The following KIF3A variants were observed in gnomAD, a reference collection of about 807,000 sequenced individuals.
The protein encoded by KIF3A is kinesin family member 3A.
A neutral mutation model predicts 92.6 loss-of-function variants in KIF3A; 27 were observed. That is an observed-to-expected ratio of 0.29 (90% CI 0.21 to 0.40). The LOEUF (loss-of-function observed/expected upper bound fraction) is 0.40. Among genes scored for constraint, KIF3A ranks in the 10% least tolerant of loss-of-function variants. The probability of loss-of-function intolerance (pLI) is 1.00; values close to 1 mark genes in which losing one functional copy is unlikely to be tolerated. For missense variants in KIF3A, 581 were observed against 872.6 expected (o/e 0.67, Z 4.21); for synonymous variants, 250 against 275.4 (o/e 0.91, Z 0.92).
At chr5:132,728,832 G>C (rs1754128858) in intron 2 of KIF3A, among the ~76,000 whole-genome samples, 1 of 152,062 alleles carries the variant, frequency 6.6e-6, no homozygotes, top group African/African-American at 2.4e-5. Context: ...AGCACTTTGA[G>C]AGGCTGAGGT....
intron 8 of KIF3A, among the ~76,000 whole-genome samples, chr5:132,715,132 G>T (rs1472634074): frequency 2.0e-5 from 3 of 152,174 alleles, no homozygotes; most frequent in Non-Finnish European, 4.4e-5. Context: ...GTACCAATCA[G>T]AAAGGATCTG....
chr5:132,735,875 T>A (rs1042652810), intron 1 of KIF3A, among the ~76,000 whole-genome samples: 4 of 152,224 alleles, frequency 2.6e-5, no homozygotes, highest in Non-Finnish European at 5.9e-5. Context: ...TTTCACAAGA[T>A]ATTCTGCCTG....
At chr5:132,726,977 C>T (rs562212180) in intron 2 of KIF3A, among the ~76,000 whole-genome samples, 5 of 152,302 alleles carry the variant, frequency 3.3e-5, no homozygotes, top group Admixed American at 6.5e-5. Context: ...TAAGAAAATT[C>T]GCCATTGATA....
intron 2 of KIF3A, among the ~76,000 whole-genome samples, chr5:132,730,834 G>A (rs938303916): frequency 8.5e-4 from 130 of 152,114 alleles, no homozygotes; most frequent in African/African-American, 2.9e-3. Context: ...AGCCAGGCGT[G>A]GTAGCACACA....
At position 132,715,101 on chromosome 5, in the gene KIF3A, C is replaced by A. The variant is rs142735014; in HGVS notation, c.1129+656G>T. Among the ~76,000 whole-genome samples the A allele has an allele frequency of 1.1e-3, 168 of 152,250 alleles. 2 individuals are homozygous for A. The highest frequency in any genetic ancestry group is 3.1e-3 in the African/African-American group (129 of 41,558). Reference sequence around the variant, plus strand: ...TGCTTTGAAACCAAAGCCCTGTTTACGTGGTTCGCGAAGGAGCTCTGTACC... The same window carrying A: ...TGCTTTGAAACCAAAGCCCTGTTTAAGTGGTTCGCGAAGGAGCTCTGTACC... On this transcript the variant is annotated intron_variant, in intron 8 of 18. Coordinates refer to ENST00000403231, the MANE Select transcript of KIF3A (RefSeq NM_001300791.2).
Position 132,716,945 on chromosome 5 carries a change from C to T in KIF3A, c.656G>A (p.Arg219His). ...GATNMNEHSS[R>H]SHAIFTITIE... ...AGTAATTGTAAAGATGGCATGGGAACGGGAACTATGTTCGTTCATATTAGT... is the reference window on the plus strand; with the variant it reads ...AGTAATTGTAAAGATGGCATGGGAATGGGAACTATGTTCGTTCATATTAGT... Residue 219 changes from arginine (R) to histidine (H), a missense_variant, in exon 6 of 19, where the codon CGT (arginine) becomes CAT (histidine). Transcript: ENST00000403231. 1 of 1,613,832 alleles carries T rather than the reference C, an allele frequency of 6.2e-7. No individual in the cohort carries two copies.
chr5:132,707,340 A>G (rs2299007), intron 10 of KIF3A, among the ~76,000 whole-genome samples: 24,150 of 152,134 alleles, frequency 0.16, 2,844 homozygotes, highest in East Asian at 0.53. Flanking sequence ...CAGCAACCAC[A>G]TGCTAGGACA....
Position 132,720,663 on chromosome 5 carries a change from C to T in KIF3A, c.562G>A (p.Val188Met). ...TCCATATCATCAGCATTATTTACCA[C>T]ATAAGCTGATAAATCTTTGATATAA... ...GVYIKDLSAY[V>M]VNNADDMDRI... Residue 188 changes from valine to methionine, a missense_variant, in exon 5 of 19, where the codon GTG becomes ATG. Val to Met is a conservative substitution (Grantham distance 21). Transcript: ENST00000403231. 6.2e-7 allele frequency: 1 copy of T among 1,612,476 alleles called. No homozygotes were observed. Among genetic ancestry groups the T allele is most frequent in the Non-Finnish European group, 8.5e-7 (1 of 1,179,066 alleles).
chr5:132,702,636 G>T lies in KIF3A; in HGVS notation c.1680C>A (p.Thr560=). 1.2e-6 allele frequency: 2 copies of T among 1,612,488 alleles called. No individual in the cohort carries two copies. The highest frequency in any genetic ancestry group is 1.7e-6 in the Non-Finnish European group (2 of 1,179,240). ...QERLDIEEKY[T]SLQEEAQGKT... Reference sequence around the variant, plus strand: ...TTCCCTGTGCTTCCTCTTGCAAACTGGTATATTTTTCTTCAATATCCAAGC... The same window carrying T: ...TTCCCTGTGCTTCCTCTTGCAAACTTGTATATTTTTCTTCAATATCCAAGC... Residue 560 remains threonine (T), a synonymous_variant, in exon 14 of 19, where the codon ACC becomes ACA. Coordinates refer to ENST00000403231, the MANE Select transcript of KIF3A (RefSeq NM_001300791.2).
chr5:132,698,638 A>T (rs2149891726), intron 18 of KIF3A, among the ~76,000 whole-genome samples: 1 of 152,362 alleles, frequency 6.6e-6, no homozygotes, highest in South Asian at 2.1e-4. Context: ...AATTAAAAAT[A>T]AATTCTATTA....
At chr5:132,698,839 G>A (rs1469887952) in intron 18 of KIF3A, among the ~76,000 whole-genome samples, 2 of 149,280 alleles carry the variant, frequency 1.3e-5, no homozygotes, top group Non-Finnish European at 3.0e-5. Flanking sequence ...CTGGGTTCAA[G>A]CGATTCTCAT....
chr5:132,737,424 G>A lies in KIF3A; in HGVS notation c.-5C>T. 1.2e-6 allele frequency: 2 copies of A among 1,606,664 alleles called. No homozygotes were observed. The highest frequency in any genetic ancestry group is 8.5e-7 in the Non-Finnish European group (1 of 1,176,958). ...AGCGACTCTCCTCACCGGCATCTTG[G>A]CCCCCTCCCGTGCCCGGCGGACGTC... On this transcript the variant is annotated 5_prime_UTR_variant, in exon 1 of 19. Transcript: ENST00000403231.
intron 9 of KIF3A, among the ~76,000 whole-genome samples, chr5:132,709,647 C>T (rs1753345286): frequency 6.6e-6 from 1 of 152,094 alleles, no homozygotes; most frequent in South Asian, 2.1e-4. Flanking sequence ...TAATAATCTA[C>T]TCTGTGAAAA....
chr5:132,731,600 T>C (rs1333588505), intron 2 of KIF3A, among the ~76,000 whole-genome samples: 4 of 152,174 alleles, frequency 2.6e-5, no homozygotes, highest in Non-Finnish European at 5.9e-5. Context: ...ATGTCCACTC[T>C]CACCACTTCT....
chr5:132,737,322 T>C, intron 1 of KIF3A, 92 bp downstream of exon 1: 2 of 1,431,232 alleles, frequency 1.4e-6, no homozygotes, highest in Admixed American at 2.2e-5. Context: ...CCAGGCCGCC[T>C]GCCGGCTCCG....
intron 11 of KIF3A, among the ~76,000 whole-genome samples, chr5:132,705,131 T>C (rs1044324104): frequency 2.0e-5 from 3 of 151,972 alleles, no homozygotes; most frequent in Non-Finnish European, 4.4e-5. Context: ...GTCATCTGTA[T>C]TGAATCTTTT....
intron 8 of KIF3A, among the ~76,000 whole-genome samples, chr5:132,713,322 T>C (rs1265996134): frequency 2.0e-5 from 3 of 152,198 alleles, no homozygotes; most frequent in Non-Finnish European, 2.9e-5. Flanking sequence ...AATAAGACTA[T>C]ATCAATGTAA....
At chr5:132,712,733 T>C (rs1034627146) in intron 8 of KIF3A, among the ~76,000 whole-genome samples, 3 of 152,148 alleles carry the variant, frequency 2.0e-5, no homozygotes, top group Non-Finnish European at 4.4e-5. Context: ...AGGGTCATTA[T>C]AAAAGAAAAG....
At chr5:132,708,875 C>T (rs898340048) in intron 10 of KIF3A, 32 bp downstream of exon 10, 2 of 1,470,606 alleles carry the variant, frequency 1.4e-6, no homozygotes, top group Non-Finnish European at 1.9e-6. Context: ...AAAGCCAAAG[C>T]TCTGTTAGAG....
Sources: allele counts gnomAD v4.1 joint callset (sites outside exome capture counted in the v4.1 genomes callset), GRCh38; gene constraint gnomAD v4.1.1; transcripts MANE v1.5; gene names NCBI Gene and HGNC (gene_info 2026-07-23, HGNC 2026-07-21).